The following RPA1 variants were observed in gnomAD, a reference collection of about 807,000 sequenced individuals.
RPA1 encodes the protein replication protein A1, also known as replication protein A 70 kDa DNA-binding subunit.
In RPA1, 49 loss-of-function variants were observed where a neutral mutation model predicts 83.0. The ratio of observed to expected loss-of-function variants is 0.59; its 90% CI spans 0.47 to 0.75. The LOEUF is 0.75. RPA1 is among the 30% of genes least tolerant of loss of function. The pLI is 0.00. For missense variants in RPA1, 693 were observed against 776.1 expected (o/e 0.89, Z 1.27); for synonymous variants, 279 against 281.8 (o/e 0.99, Z 0.10).
intron 5 of RPA1, among the ~76,000 whole-genome samples, chr17:1,864,779 A>G (rs1381031920): frequency 6.6e-6 from 1 of 151,970 alleles, no homozygotes; most frequent in African/African-American, 2.4e-5. Context: ...GGGCACCTGT[A>G]ATCCCAGCTA....
At chr17:1,862,355 C>A (rs919968520) in intron 5 of RPA1, among the ~76,000 whole-genome samples, 5 of 151,668 alleles carry the variant, frequency 3.3e-5, no homozygotes, top group African/African-American at 1.2e-4. Context: ...CTCTCTTATA[C>A]CTCTCTTGTC....
chr17:1,839,402 T>G (rs949341459), intron 1 of RPA1, among the ~76,000 whole-genome samples: 1 of 151,004 alleles, frequency 6.6e-6, no homozygotes, highest in Non-Finnish European at 1.5e-5. Context: ...CTCGGCTCAC[T>G]GCAACCTCCA....
intron 1 of RPA1, among the ~76,000 whole-genome samples, chr17:1,839,283 C>G (rs1280706024): frequency 6.6e-6 from 1 of 152,188 alleles, no homozygotes; most frequent in East Asian, 1.9e-4. Context: ...TATAGTAAAT[C>G]TTGAAATCTG....
chr17:1,867,563 T>G (rs1193856678), intron 5 of RPA1, among the ~76,000 whole-genome samples: 1 of 151,518 alleles, frequency 6.6e-6, no homozygotes, highest in Non-Finnish European at 1.5e-5. Context: ...ACAAAAAAAT[T>G]ATCCAGGCCT....
intron 11 of RPA1, among the ~76,000 whole-genome samples, chr17:1,880,191 G>A (rs1384264630): frequency 2.0e-5 from 3 of 152,176 alleles, no homozygotes; most frequent in Non-Finnish European, 2.9e-5. Flanking sequence ...AGCACACACA[G>A]GAGGAGCTCC....
intron 5 of RPA1, chr17:1,858,011 G>A (rs1912778254): frequency 6.2e-7 from 1 of 1,605,050 alleles, no homozygotes; most frequent in East Asian, 2.2e-5. Context: ...ATAATGTGTA[G>A]GAAGATGATG....
chr17:1,840,425 T>C (rs1597419146), intron 1 of RPA1, among the ~76,000 whole-genome samples: 1 of 152,276 alleles, frequency 6.6e-6, no homozygotes, highest in Non-Finnish European at 1.5e-5. Context: ...TAGCTGGGAC[T>C]ACAGGCACGT....
rs1349411531 is a variant in RPA1 at position 1,899,628 on chromosome 17, G to A, written c.*2453G>A. ...CCCACTTCTGTTTCCTGAGTGGGCT[G>A]TCTTCAAAAAGTATAAATACTATTG... On this transcript the variant is annotated 3_prime_UTR_variant, in exon 17 of 17. Transcript: ENST00000254719. 1 of 152,020 alleles carries A rather than the reference G, an allele frequency of 6.6e-6. No homozygotes were observed. The highest frequency in any genetic ancestry group is 2.4e-5 in the African/African-American group (1 of 41,354). The allele number at this position is 152,020 out of a possible 1,614,324, so 9.4% of individuals were successfully genotyped here.
At chr17:1,880,431 T>C (rs989971508) in intron 11 of RPA1, 112 bp from the exon 12 acceptor site, 17 of 1,112,688 alleles carry the variant, frequency 1.5e-5, no homozygotes, top group South Asian at 5.8e-5. Context: ...ATGGATTCCA[T>C]GTACGCTGAT....
intron 13 of RPA1, among the ~76,000 whole-genome samples, chr17:1,886,833 CAGATTTTTGTAG>C (rs1047994618): frequency 2.0e-5 from 3 of 151,476 alleles, no homozygotes; most frequent in Admixed American, 1.3e-4. Flanking sequence ...CGTGCCCTGA[CAGATTTTTGTAG>C]AGACTAGGTC....
intron 14 of RPA1, among the ~76,000 whole-genome samples, chr17:1,889,240 G>A (rs1428433699): frequency 6.6e-6 from 1 of 152,052 alleles, no homozygotes; most frequent in Non-Finnish European, 1.5e-5. Context: ...GTGACGGTGT[G>A]CTGATGTGAG....
intron 5 of RPA1, among the ~76,000 whole-genome samples, chr17:1,864,061 G>C (rs951926775): frequency 3.3e-5 from 5 of 152,186 alleles, no homozygotes; most frequent in Admixed American, 3.3e-4. Flanking sequence ...TGTTCATGTG[G>C]CTTATTTGAA....
At position 1,879,773 on chromosome 17, in the gene RPA1, G is replaced by A; in HGVS notation, c.1092+74G>A. On this transcript the variant is annotated intron_variant, in intron 11 of 16. Transcript: ENST00000254719. ...GGGGCGTGGTCTTGTCCTATAGGAT[G>A]GGGCCTTCAGCACACACAGGAGGAG... 5 of 1,578,330 alleles carry A rather than the reference G, an allele frequency of 3.2e-6. No individual in the cohort carries two copies. The South Asian group carries it at 3.4e-5, about 11-fold the overall frequency.
In RPA1 at chr17:1,888,768, G is replaced by GT; in HGVS notation, c.1469dup (p.Ile491AspfsTer2). On this transcript the variant is annotated frameshift_variant, in exon 14 of 17. Transcript: ENST00000254719. LOFTEE classifies it high-confidence loss of function. ...CCCGACTCAGGACTGCAATAAGAAA[G>GT]TGATTGATCAACAGAATGGATTGTA... is the stretch of plus-strand genomic sequence containing the variant. 1 of 1,614,216 alleles carries GT rather than the reference G, an allele frequency of 6.2e-7. No homozygotes were observed.
chr17:1,845,286 G>A (rs915172863), intron 4 of RPA1, among the ~76,000 whole-genome samples: 26 of 151,326 alleles, frequency 1.7e-4, no homozygotes, highest in African/African-American at 5.8e-4. Flanking sequence ...TAATCCCAGC[G>A]CTTTGTGGTG....
chr17:1,881,277 C>G (rs1297107595), intron 12 of RPA1, among the ~76,000 whole-genome samples: 1 of 152,118 alleles, frequency 6.6e-6, no homozygotes, highest in African/African-American at 2.4e-5. Context: ...ACACAGGATG[C>G]AAGAATTGAT....
chr17:1,851,870 T>C (rs980261909), intron 4 of RPA1, among the ~76,000 whole-genome samples: 2 of 152,224 alleles, frequency 1.3e-5, no homozygotes, highest in Admixed American at 1.3e-4. Context: ...CACTGATTGA[T>C]TGTATGTAAA....
In RPA1 at chr17:1,897,809, A is replaced by G. The variant is rs1408577761; in HGVS notation, c.*634A>G. The G allele has an allele frequency of 2.0e-5, 3 of 152,844 alleles. No individual in the cohort carries two copies. Among genetic ancestry groups the G allele is most frequent in the Non-Finnish European group, 1.5e-5 (1 of 68,188 alleles). 9.5% of individuals were successfully genotyped at this position (152,844 alleles called of 1,614,324 possible). A position where few individuals can be genotyped will look rare whatever the true frequency, so the allele number is the denominator to read the frequency against. ...AGTCAGATGGGTCTGATATTAATCA[A>G]AATTGTCTCTTCTGAGGACCGCTGA... On this transcript the variant is annotated 3_prime_UTR_variant, in exon 17 of 17. Transcript: ENST00000254719.
Position 1,897,470 on chromosome 17 carries a change from A to G in RPA1, c.*295A>G, listed in dbSNP as rs188299208. The G allele has an allele frequency of 3.2e-5, 9 of 284,034 alleles. No individual in the cohort carries two copies. The highest frequency in any genetic ancestry group is 1.8e-4 in the African/African-American group (8 of 44,826). 17.6% of individuals were successfully genotyped at this position (284,034 alleles called of 1,614,324 possible). A position where few individuals can be genotyped will look rare whatever the true frequency, so the allele number is the denominator to read the frequency against. On this transcript the variant is annotated 3_prime_UTR_variant, in exon 17 of 17. Transcript: ENST00000254719. ...TCAATTTCATTATCATCAAGCAGGA[A>G]TTATGTCGTAAGTCACTGACCCTAA... is the stretch of plus-strand genomic sequence containing the variant.
Sources: gnomAD v4.1 joint callset for allele counts (sites outside exome capture counted in the v4.1 genomes callset) on GRCh38, gnomAD v4.1.1 for gene constraint, MANE v1.5 for transcripts, NCBI Gene and HGNC (gene_info 2026-07-23, HGNC 2026-07-21) for gene names.